The following CDC20B variants were observed in gnomAD, a reference collection of about 807,000 sequenced individuals.
CDC20B encodes cell division cycle protein 20 homolog B.
Under a neutral mutation model 64.1 loss-of-function variants are expected in CDC20B, and 58 were observed. The observed-to-expected ratio is 0.90, with a 90% CI of 0.73 to 1.13. The LOEUF is 1.13. CDC20B is among the 50% of genes most tolerant of loss of function. The pLI, the probability that CDC20B is intolerant of heterozygous loss-of-function variation, is 0.00. For missense variants in CDC20B, 597 were observed against 633.0 expected, an observed-to-expected ratio of 0.94 and a Z score of 0.61; for synonymous variants, 243 against 230.6, an observed-to-expected ratio of 1.05 and a Z score of -0.49.
chr5:55,157,387 A>G (rs1580362194), intron 2 of CDC20B, among the ~76,000 whole-genome samples: 1 of 152,208 alleles, frequency 6.6e-6, no homozygotes, highest in African/African-American at 2.4e-5. Context: ...TGTTCATCCA[A>G]TGCTGTCCAG....
At position 55,119,836 on chromosome 5, in the gene CDC20B, G is replaced by A. The variant is rs149774264; in HGVS notation, c.1424C>T (p.Thr475Ile). 2.7e-5 allele frequency: 43 copies of A among 1,613,936 alleles called. No homozygotes were observed. The East Asian group carries it at 7.4e-4, about 28-fold the overall frequency. Residue 475 changes from threonine (T) to isoleucine (I), a missense_variant, in exon 11 of 12, where the codon ACC (threonine) becomes ATC (isoleucine). Physicochemically the swap from Thr to Ile is moderately conservative, Grantham distance 89. Around this residue, in one of 3 missense-constraint regions of CDC20B, gnomAD observed 353 missense variants for 397.0 expected, o/e 0.89. Coordinates refer to ENST00000381375, the MANE Select transcript of CDC20B (RefSeq NM_001170402.1). ...ACCTGACCTGGACACAGTGGGACAGGTCCACACAGTCACATCATTCTTGGG... is the reference window on the plus strand; with the variant it reads ...ACCTGACCTGGACACAGTGGGACAGATCCACACAGTCACATCATTCTTGGG... ...GTPKNDVTVW[T>I]CPTVSRSGGF...
Position 55,114,529 on chromosome 5 carries a change from C to T in CDC20B, c.1460-211G>A, listed in dbSNP as rs1197388118. On this transcript the variant is annotated intron_variant, in intron 11 of 11. Transcript: ENST00000381375. This position sits in a 1 kb window ranked among gnomAD's most constrained non-coding sequence, Gnocchi z 4.1. ...CAGTTTTCTCCCTCAGTGCTCTTGC[C>T]CCTGTATCAGTGTCCTGTGGCTGCC... is the stretch of plus-strand genomic sequence containing the variant. 6.6e-6 allele frequency among the ~76,000 whole-genome samples: 1 copy of T among 152,184 alleles called. No homozygotes were observed. Among genetic ancestry groups the T allele is most frequent in the East Asian group, 1.9e-4 (1 of 5,198 alleles).
At chr5:55,152,947 A>G (rs1048466905) in intron 2 of CDC20B, among the ~76,000 whole-genome samples, 1 of 152,188 alleles carries the variant, frequency 6.6e-6, no homozygotes, top group Non-Finnish European at 1.5e-5. Context: ...ATTAAGGAGA[A>G]CAATTCTCAG....
At chr5:55,126,610 T>C (rs995407259) in intron 8 of CDC20B, among the ~76,000 whole-genome samples, 1 of 151,986 alleles carries the variant, frequency 6.6e-6, no homozygotes, top group Non-Finnish European at 1.5e-5. Flanking sequence ...TAGGAAAAAG[T>C]CCCTTAATTT....
At position 55,127,271 on chromosome 5, in the gene CDC20B, G is replaced by T. The variant is rs772170709; in HGVS notation, c.975C>A (p.His325Gln). 2.0e-5 allele frequency: 32 copies of T among 1,613,880 alleles called. No individual in the cohort carries two copies. Among genetic ancestry groups the T allele is most frequent in the Non-Finnish European group, 2.6e-5 (31 of 1,179,892 alleles). The part of the protein sequence containing the change: ...LSVVGALSWN[H>Q]FILSSGSRLG... ...ACGCTTCTTACCTGCTGAGGATAAA[G>T]TGATTCCAGCTCAGAGCCCCAACTA... Residue 325 changes from histidine to glutamine, a missense_variant, in exon 8 of 12, where the codon CAC becomes CAA. Coordinates refer to ENST00000381375, the MANE Select transcript of CDC20B (RefSeq NM_001170402.1).
chr5:55,129,249 C>T (rs1275465486), intron 6 of CDC20B, among the ~76,000 whole-genome samples: 1 of 151,998 alleles, frequency 6.6e-6, no homozygotes, highest in East Asian at 1.9e-4. Context: ...AGTTTAAACC[C>T]CTACAATACA....
intron 2 of CDC20B, among the ~76,000 whole-genome samples, chr5:55,157,856 C>G (rs1170386295): frequency 1.3e-5 from 2 of 152,222 alleles, no homozygotes; most frequent in East Asian, 1.9e-4. Flanking sequence ...ATAAATCACT[C>G]TCTTTCCACC....
intron 6 of CDC20B, among the ~76,000 whole-genome samples, chr5:55,131,125 C>T (rs7711346): frequency 0.011 from 1,719 of 151,954 alleles, 37 homozygotes; most frequent in African/African-American, 0.04. Flanking sequence ...AGAGTGAAAA[C>T]CTCCCTCAAA....
chr5:55,164,027 T>G (rs755605716), intron 2 of CDC20B: 1 of 1,482,736 alleles, frequency 6.7e-7, no homozygotes, highest in African/African-American at 1.4e-5. Context: ...AAAATTATGC[T>G]CATGAAAATA....
chr5:55,161,402 G>T (rs1744056649), intron 2 of CDC20B: 1 of 761,236 alleles, frequency 1.3e-6, no homozygotes, highest in African/African-American at 1.8e-5. Flanking sequence ...CTCATCCTTT[G>T]TAACTTCTAG....
chr5:55,119,659 G>A lies in CDC20B; in HGVS notation c.1459+142C>T, dbSNP rs376052285. 12 of 604,582 alleles carry A rather than the reference G, an allele frequency of 2.0e-5. No individual in the cohort carries two copies. In the East Asian group the frequency reaches 2.2e-4, roughly 11 times the overall value. The allele number at this position is 604,582 out of a possible 1,614,324, so 37.5% of individuals were successfully genotyped here. ...ATTCAACTATACGCTCTCTGAGGTA[G>A]GGTGGATGTAGGACTTTTTCCTCTG... On this transcript the variant is annotated intron_variant, in intron 11 of 11. Transcript: ENST00000381375.
rs1202356561 is a variant in CDC20B at position 55,164,193 on chromosome 5, T to G, written c.126+8395A>C. The G allele has an allele frequency of 3.2e-6, 5 of 1,559,202 alleles. No individual in the cohort carries two copies. In the East Asian group the frequency reaches 1.1e-4, roughly 35 times the overall value. ...ATAGCAGCTCTGGTTAGACAAGTGATCATAAAAAAGAAAGAGGATCTATGA... is the reference window on the plus strand; with the variant it reads ...ATAGCAGCTCTGGTTAGACAAGTGAGCATAAAAAAGAAAGAGGATCTATGA... On this transcript the variant is annotated intron_variant, in intron 2 of 11. Coordinates refer to ENST00000381375, the MANE Select transcript of CDC20B (RefSeq NM_001170402.1).
chr5:55,114,339 A>T lies in CDC20B; in HGVS notation c.1460-21T>A. 6.2e-7 allele frequency: 1 copy of T among 1,612,404 alleles called. No individual in the cohort carries two copies. Among genetic ancestry groups the T allele is most frequent in the South Asian group, 1.1e-5 (1 of 90,810 alleles). ...GTGGCCTGGGGGAAGAAGGAAAGAC[A>T]GTTCATACTCCTCCACGTTACATGG... On this transcript the variant is annotated intron_variant, in intron 11 of 11. Coordinates refer to ENST00000381375, the MANE Select transcript of CDC20B (RefSeq NM_001170402.1). The surrounding 1 kb of genome is among the most constrained non-coding windows in gnomAD (Gnocchi z 4.1).
At chr5:55,136,825 T>G (rs1743187915) in intron 5 of CDC20B, 1 of 152,058 alleles carries the variant, frequency 6.6e-6, no homozygotes, top group Non-Finnish European at 1.5e-5. Context: ...AATAATCTCA[T>G]GAATAACACA....
intron 3 of CDC20B, among the ~76,000 whole-genome samples, chr5:55,146,412 GTTTTGT>G (rs757686766): frequency 6.6e-6 from 1 of 152,148 alleles, no homozygotes; most frequent in Non-Finnish European, 1.5e-5. Context: ...TTTGTCTAAA[GTTTTGT>G]TTTTGTTTTT....
chr5:55,166,557 C>G (rs1437833183), intron 2 of CDC20B: 4 of 152,246 alleles, frequency 2.6e-5, no homozygotes, highest in Non-Finnish European at 4.4e-5. Context: ...GAGTCATTTG[C>G]TGATGTGCTG....
At chr5:55,161,779 G>A (rs922318149) in intron 2 of CDC20B, among the ~76,000 whole-genome samples, 2 of 152,180 alleles carry the variant, frequency 1.3e-5, no homozygotes, top group African/African-American at 4.8e-5. Flanking sequence ...GGGCAGTAGT[G>A]TTAGGCTATT....
chr5:55,133,143 C>T (rs997482357), intron 6 of CDC20B, among the ~76,000 whole-genome samples: 1 of 152,176 alleles, frequency 6.6e-6, no homozygotes, highest in Non-Finnish European at 1.5e-5. Flanking sequence ...AAAATACATA[C>T]ATAAGAATAG....
chr5:55,123,772 A>G (rs1464724717), intron 9 of CDC20B, among the ~76,000 whole-genome samples: 1 of 152,210 alleles, frequency 6.6e-6, no homozygotes, highest in African/African-American at 2.4e-5. Context: ...GTTTTCAGAC[A>G]GCGTATTTTA....
Sources: gnomAD v4.1 joint callset for allele counts (sites outside exome capture counted in the v4.1 genomes callset) on GRCh38, gnomAD v4.1.1 for gene constraint, gnomAD v4.1.1 regional missense constraint, Gnocchi (gnomAD v3.1) non-coding constraint, MANE v1.5 for transcripts, NCBI Gene and HGNC (gene_info 2026-07-23, HGNC 2026-07-21) for gene names.